The following DPP10 variants were observed in gnomAD, a reference collection of about 807,000 sequenced individuals.
DPP10 encodes the protein inactive dipeptidyl peptidase 10.
Under a neutral mutation model 120.9 loss-of-function variants are expected in DPP10, and 33 were observed. That is an observed-to-expected ratio of 0.27 (90% CI 0.21 to 0.37). The LOEUF is 0.37. DPP10 is among the 10% of genes least tolerant of loss of function. The pLI is 1.00. For missense variants in DPP10, 816 were observed against 942.8 expected, an observed-to-expected ratio of 0.87 and a Z score of 1.76; for synonymous variants, 337 against 326.1, an observed-to-expected ratio of 1.03 and a Z score of -0.36.
chr2:115,545,971 G>A (rs189589865), intron 5 of DPP10, among the ~76,000 whole-genome samples: 6 of 151,996 alleles, frequency 3.9e-5, no homozygotes, highest in East Asian at 3.9e-4. Context: ...CTTTTCCAAC[G>A]CATTCTTGAC....
At chr2:114,783,282 C>G (rs1306235317) in intron 1 of DPP10, among the ~76,000 whole-genome samples, 1 of 152,018 alleles carries the variant, frequency 6.6e-6, no homozygotes, top group South Asian at 2.1e-4. Flanking sequence ...AACCTAGAAA[C>G]AAATGATAAA....
intron 1 of DPP10, among the ~76,000 whole-genome samples, chr2:114,451,653 GT>G (rs1447194403): frequency 6.6e-6 from 1 of 152,088 alleles, no homozygotes; most frequent in Non-Finnish European, 1.5e-5. Context: ...ATTAGGAGGG[GT>G]GAGAAACAAG....
chr2:115,147,954 A>G (rs2051323069), intron 1 of DPP10, among the ~76,000 whole-genome samples: 1 of 152,110 alleles, frequency 6.6e-6, no homozygotes, highest in African/African-American at 2.4e-5. Context: ...AAGACTTGGC[A>G]ATTTGAGGAG....
intron 1 of DPP10, among the ~76,000 whole-genome samples, chr2:114,653,339 A>G (rs925935465): frequency 6.6e-5 from 10 of 152,254 alleles, no homozygotes; most frequent in African/African-American, 2.4e-4. Flanking sequence ...GGAAGAGGCA[A>G]GGGACGGAAT....
chr2:115,566,293 G>A (rs2081005535), intron 5 of DPP10, among the ~76,000 whole-genome samples: 1 of 151,858 alleles, frequency 6.6e-6, no homozygotes, highest in Non-Finnish European at 1.5e-5. Flanking sequence ...TTTTCCTAAT[G>A]TTTGGCATCC....
intron 2 of DPP10, among the ~76,000 whole-genome samples, chr2:115,333,494 A>T (rs570442961): frequency 1.3e-5 from 2 of 152,186 alleles, no homozygotes; most frequent in Admixed American, 6.5e-5. Context: ...TTTGCTCGTT[A>T]GTTGATGCAG....
At chr2:115,728,064 G>A in intron 8 of DPP10, 128 bp downstream of exon 8, 1 of 1,098,558 alleles carries the variant, frequency 9.1e-7, no homozygotes, top group Non-Finnish European at 1.3e-6. Flanking sequence ...TCTCAAAATT[G>A]CCCTCATGCT....
intron 1 of DPP10, among the ~76,000 whole-genome samples, chr2:114,543,290 C>G (rs1013539620): frequency 6.6e-6 from 1 of 152,220 alleles, no homozygotes; most frequent in Non-Finnish European, 1.5e-5. Context: ...CAGCACTTAA[C>G]TGAGTGCACA....
intron 1 of DPP10, among the ~76,000 whole-genome samples, chr2:114,791,160 A>G (rs1196028119): frequency 2.0e-5 from 3 of 152,178 alleles, no homozygotes; most frequent in African/African-American, 7.2e-5. Flanking sequence ...AGGCTTGTAC[A>G]TGTGACCTAC....
intron 1 of DPP10, among the ~76,000 whole-genome samples, chr2:114,607,728 G>A (rs192565756): frequency 6.6e-6 from 1 of 152,226 alleles, no homozygotes; most frequent in African/African-American, 2.4e-5. Context: ...TCTTTGCCTT[G>A]TGTTCTCTGC....
At chr2:115,607,956 A>G (rs773228803) in intron 5 of DPP10, among the ~76,000 whole-genome samples, 5 of 152,196 alleles carry the variant, frequency 3.3e-5, no homozygotes, top group Non-Finnish European at 7.3e-5. Context: ...TCTAAAGTTT[A>G]TAAGTAGTCC....
intron 3 of DPP10, among the ~76,000 whole-genome samples, chr2:115,424,893 A>G (rs2070316788): frequency 6.6e-6 from 1 of 152,224 alleles, no homozygotes; most frequent in Non-Finnish European, 1.5e-5. Flanking sequence ...AATCGTCTGT[A>G]GAAAGGGATT....
At chr2:114,973,643 C>T (rs62167707) in intron 1 of DPP10, among the ~76,000 whole-genome samples, 56,710 of 125,394 alleles carry the variant, frequency 0.45, 12,232 homozygotes, top group Middle Eastern at 0.61. Flanking sequence ...GCCTGGGCAA[C>T]GGAGTGAGAC....
chr2:115,391,630 A>G (rs1343796153), intron 3 of DPP10, among the ~76,000 whole-genome samples: 1 of 152,030 alleles, frequency 6.6e-6, no homozygotes, highest in East Asian at 1.9e-4. Context: ...AATATAAAAT[A>G]AAAAAGATGT....
chr2:114,630,767 CAA>C (rs1476469161), intron 1 of DPP10, among the ~76,000 whole-genome samples: 2 of 152,028 alleles, frequency 1.3e-5, no homozygotes, highest in Non-Finnish European at 2.9e-5. Flanking sequence ...GTGTAGATTA[CAA>C]AAGAGTTTTA....
chr2:114,819,039 A>G (rs777545930), intron 1 of DPP10, among the ~76,000 whole-genome samples: 1 of 152,110 alleles, frequency 6.6e-6, no homozygotes, highest in Non-Finnish European at 1.5e-5. Flanking sequence ...TTGGTCCACT[A>G]AGTGGCTGCA....
intron 3 of DPP10, among the ~76,000 whole-genome samples, chr2:115,372,611 A>C (rs2065489625): frequency 6.6e-6 from 1 of 152,190 alleles, no homozygotes; most frequent in Non-Finnish European, 1.5e-5. Context: ...AGGCACCCTT[A>C]CTTGCGGTAA....
intron 21 of DPP10, among the ~76,000 whole-genome samples, chr2:115,831,235 C>CTTCT (rs55773986): frequency 0.25 from 37,698 of 151,174 alleles, 5,027 homozygotes; most frequent in Admixed American, 0.37. Flanking sequence ...GCACAGATCA[C>CTTCT]TTCTTTCTTT....
intron 3 of DPP10, among the ~76,000 whole-genome samples, chr2:115,496,938 A>G (rs1283806057): frequency 1.3e-5 from 2 of 151,958 alleles, no homozygotes; most frequent in Non-Finnish European, 2.9e-5. Flanking sequence ...GGGGGATGCA[A>G]TTATAAAAGT....
Sources: allele counts gnomAD v4.1 joint callset (sites outside exome capture counted in the v4.1 genomes callset), GRCh38; gene constraint gnomAD v4.1.1; transcripts MANE v1.5; gene names NCBI Gene and HGNC (gene_info 2026-07-23, HGNC 2026-07-21).